LMNB1: variants seen among roughly 807,000 people sequenced by gnomAD.
LMNB1 encodes the protein lamin B1, also known as lamin-B1.
A neutral mutation model predicts 67.1 loss-of-function variants in LMNB1; 23 were observed. The ratio of observed to expected loss-of-function variants is 0.34; its 90% confidence interval spans 0.25 to 0.49. LMNB1 has a LOEUF of 0.49. LMNB1 is among the 20% of genes least tolerant of loss of function. LMNB1 has a pLI of 0.99. For synonymous variants in LMNB1, 281 were observed against 282.9 expected, an observed-to-expected ratio of 0.99 and a Z score of 0.07; for missense variants, 634 against 746.5, an observed-to-expected ratio of 0.85 and a Z score of 1.76.
At chr5:126,795,095 G>A (rs2112939566) in intron 1 of LMNB1, among the ~76,000 whole-genome samples, 1 of 139,366 alleles carries the variant, frequency 7.2e-6, no homozygotes, top group African/African-American at 2.6e-5. Flanking sequence ...TTTTTCAAGT[G>A]TTTATGGTTG....
chr5:126,808,691 A>G lies in LMNB1; in HGVS notation c.643-1489A>G, dbSNP rs539019083. Among the ~76,000 whole-genome samples the G allele has an allele frequency of 2.5e-3, 380 of 152,222 alleles. 1 individual carries two copies. The highest frequency in any genetic ancestry group is 0.01 in the Middle Eastern group (3 of 294). ...CATGAAATAGATGTGATCTCTGGGA[A>G]GGTGATAGCAGAATCCTCCTGATTT... On this transcript the variant is annotated intron_variant, in intron 3 of 10. Transcript: ENST00000261366.
At position 126,826,002 on chromosome 5, in the gene LMNB1, C is replaced by A; in HGVS notation, c.1506C>A (p.Asn502Lys). 2 of 1,613,814 alleles carry A rather than the reference C, an allele frequency of 1.2e-6. No homozygotes were observed. Among genetic ancestry groups the A allele is most frequent in the Non-Finnish European group, 1.7e-6 (2 of 1,179,884 alleles). Residue 502 changes from asparagine (N) to lysine (K), a missense_variant, in exon 9 of 11, where the codon AAC becomes AAA. Transcript: ENST00000261366. ...AGQTVTIWAA[N>K]AGVTASPPTD... The stretch of plus-strand genomic sequence containing the variant: ...GTTTTTTACAGATTTGGGCTGCAAA[C>A]GCTGGTGTCACAGCCAGCCCCCCAA...
At chr5:126,788,674 G>T (rs1463382462) in intron 1 of LMNB1, among the ~76,000 whole-genome samples, 1 of 152,112 alleles carries the variant, frequency 6.6e-6, no homozygotes, top group African/African-American at 2.4e-5. Flanking sequence ...AAAGAGAGGT[G>T]AGTCATGGAA....
At chr5:126,793,056 A>G (rs989607288) in intron 1 of LMNB1, among the ~76,000 whole-genome samples, 3 of 152,208 alleles carry the variant, frequency 2.0e-5, no homozygotes, top group Admixed American at 6.5e-5. Flanking sequence ...AAAACAGTAT[A>G]TAGCTACTAT....
chr5:126,829,734 G>T (rs1279048939), intron 9 of LMNB1, among the ~76,000 whole-genome samples: 8 of 152,024 alleles, frequency 5.3e-5, no homozygotes, highest in Admixed American at 5.2e-4. Flanking sequence ...GGTGGGTCAC[G>T]TGCCCACCTC....
At chr5:126,826,202 G>T in intron 9 of LMNB1, 95 bp downstream of exon 9, 1 of 1,376,560 alleles carries the variant, frequency 7.3e-7, no homozygotes, top group South Asian at 1.4e-5. Context: ...TGCAATAACC[G>T]ATTGCATAAA....
At chr5:126,794,084 G>A (rs984978818) in intron 1 of LMNB1, among the ~76,000 whole-genome samples, 1 of 151,980 alleles carries the variant, frequency 6.6e-6, no homozygotes, top group Non-Finnish European at 1.5e-5. Flanking sequence ...ACAGGCATGA[G>A]CCACCACGCC....
chr5:126,812,980 C>T (rs1392584918), intron 5 of LMNB1, among the ~76,000 whole-genome samples: 1 of 152,186 alleles, frequency 6.6e-6, no homozygotes, highest in African/African-American at 2.4e-5. Flanking sequence ...CCACCCGCCT[C>T]GGCTTCCCAG....
At chr5:126,798,780 T>TGTGTGTGTGTGTGTGTGC (rs1314378520) in intron 1 of LMNB1, among the ~76,000 whole-genome samples, 6 of 151,894 alleles carry the variant, frequency 4.0e-5, no homozygotes, top group Middle Eastern at 3.4e-3. Flanking sequence ...TGTGTGTGTG[T>TGTGTGTGTGTGTGTGTGC]GTGTGCGTGT....
intron 1 of LMNB1, among the ~76,000 whole-genome samples, chr5:126,785,666 A>G (rs1346009021): frequency 6.6e-6 from 1 of 151,908 alleles, no homozygotes; most frequent in Non-Finnish European, 1.5e-5. Context: ...TCATTATAGA[A>G]AAGGAGAAAA....
chr5:126,827,722 T>C (rs1021317422), intron 9 of LMNB1, among the ~76,000 whole-genome samples: 7 of 152,010 alleles, frequency 4.6e-5, no homozygotes, highest in African/African-American at 1.7e-4. Context: ...CCCTAGAAAA[T>C]ATTGACATTA....
rs1363831829 is a variant in LMNB1 at position 126,777,292 on chromosome 5, CGATT to C, written c.-212_-209del. 21 of 389,706 alleles carry C rather than the reference CGATT, an allele frequency of 5.4e-5. No individual in the cohort carries two copies. Among genetic ancestry groups the C allele is most frequent in the East Asian group, 1.6e-4 (4 of 25,278 alleles). The allele number at this position is 389,706 out of a possible 1,614,324, so 24.1% of individuals were successfully genotyped here. On this transcript the variant is annotated 5_prime_UTR_variant, in exon 1 of 11. Transcript: ENST00000261366. ...TTACAAAGGGTATTTCGCGATCGAT[CGATT>C]GATTCGTAGTTCCCCCCCGCGCGCC...
At chr5:126,783,674 G>T (rs1318944988) in intron 1 of LMNB1, among the ~76,000 whole-genome samples, 2 of 152,180 alleles carry the variant, frequency 1.3e-5, no homozygotes, top group Non-Finnish European at 2.9e-5. Context: ...ATTCAAGGAA[G>T]TAAACAGGCA....
In LMNB1 at chr5:126,823,744, A is replaced by T. The variant is rs959967227; in HGVS notation, c.1491+859A>T. 5.3e-5 allele frequency among the ~76,000 whole-genome samples: 8 copies of T among 152,352 alleles called. No individual in the cohort carries two copies. The South Asian group carries it at 1.7e-3, about 32-fold the overall frequency. ...CTTCTCTTTAAAAAGGTGTATTCAG[A>T]GAGCATGATGCCACTTTGTGAAAAT... On this transcript the variant is annotated intron_variant, in intron 8 of 10. Transcript: ENST00000261366.
At position 126,819,037 on chromosome 5, in the gene LMNB1, A is replaced by C; in HGVS notation, c.1055A>C (p.Gln352Pro). The stretch of plus-strand genomic sequence containing the variant: ...AGAGAGATGGCGGAAATAAGGGATC[A>C]AATGCAGCAACAGCTGAATGACTAT... ...KEREMAEIRD[Q>P]MQQQLNDYEQ... is the part of the protein sequence containing the mutation. The change falls in exon 6 of 11, where the codon CAA becomes CCA. Residue 352 changes from glutamine (Q) to proline (P), a missense_variant. Transcript: ENST00000261366. 6.2e-7 allele frequency: 1 copy of C among 1,614,192 alleles called. No individual in the cohort carries two copies. Among genetic ancestry groups the C allele is most frequent in the Non-Finnish European group, 8.5e-7 (1 of 1,180,012 alleles).
intron 1 of LMNB1, 21 bp from the exon 2 acceptor site, chr5:126,804,755 T>C (rs755633743): frequency 6.2e-6 from 10 of 1,610,924 alleles, no homozygotes; most frequent in Middle Eastern, 1.7e-4. Context: ...TGATGTCTTA[T>C]GCTTTTTAAA....
At chr5:126,792,753 T>C (rs953031546) in intron 1 of LMNB1, among the ~76,000 whole-genome samples, 3 of 151,952 alleles carry the variant, frequency 2.0e-5, no homozygotes. Context: ...ATTTTGTATT[T>C]TTAGTAGAGA....
At chr5:126,818,097 A>G (rs1751758237) in intron 5 of LMNB1, among the ~76,000 whole-genome samples, 1 of 152,224 alleles carries the variant, frequency 6.6e-6, no homozygotes, top group South Asian at 2.1e-4. Context: ...GAGATAGCCC[A>G]GCAATCCTAA....
At chr5:126,802,119 C>G (rs1751299851) in intron 1 of LMNB1, among the ~76,000 whole-genome samples, 1 of 152,052 alleles carries the variant, frequency 6.6e-6, no homozygotes, top group Non-Finnish European at 1.5e-5. Flanking sequence ...CTGGACTAGT[C>G]TTCAGTTAAA....
Sources: allele counts gnomAD v4.1 joint callset (sites outside exome capture counted in the v4.1 genomes callset), GRCh38; gene constraint gnomAD v4.1.1; transcripts MANE v1.5; gene names NCBI Gene and HGNC (gene_info 2026-07-23, HGNC 2026-07-21).